Variants in ALK observed in about 807,000 individuals in gnomAD.
ALK encodes ALK receptor tyrosine kinase.
A neutral mutation model predicts 163.1 loss-of-function variants in ALK; 74 were observed. The observed-to-expected ratio is 0.45, with a 90% CI of 0.38 to 0.55. The LOEUF (loss-of-function observed/expected upper bound fraction) is 0.55, where lower values mean the gene tolerates loss of function less well. Among genes scored for constraint, ALK ranks in the 20% least tolerant of loss-of-function variants. The probability of loss-of-function intolerance (pLI) is 0.00; values close to 1 mark genes in which losing one functional copy is unlikely to be tolerated. For missense variants in ALK, 2,063 were observed against 2,105.3 expected (o/e 0.98, Z 0.39); for synonymous variants, 960 against 843.2 (o/e 1.14, Z -2.40).
chr2:29,225,188 T>G (rs1039197717), intron 19 of ALK, among the ~76,000 whole-genome samples: 3 of 152,018 alleles, frequency 2.0e-5, no homozygotes, highest in Non-Finnish European at 4.4e-5. Flanking sequence ...TGATGGACAC[T>G]GAAGGAGCTC....
intron 4 of ALK, among the ~76,000 whole-genome samples, chr2:29,402,053 C>T (rs2148315739): frequency 6.6e-6 from 1 of 152,358 alleles, no homozygotes; most frequent in South Asian, 2.1e-4. Context: ...CTGTGTTTTA[C>T]ATCCCTCCCT....
intron 1 of ALK, among the ~76,000 whole-genome samples, chr2:29,836,139 G>C (rs1665552811): frequency 6.6e-6 from 1 of 152,188 alleles, no homozygotes. Flanking sequence ...TGTTCCCAGG[G>C]AGCACTTCTT....
chr2:29,698,485 AGC>A, intron 2 of ALK, among the ~76,000 whole-genome samples: 1 of 152,288 alleles, frequency 6.6e-6, no homozygotes, highest in East Asian at 1.9e-4. Flanking sequence ...CCTTTCCCAA[AGC>A]TTCGACTTCT....
At chr2:29,882,341 T>C (rs938449200) in intron 1 of ALK, among the ~76,000 whole-genome samples, 1 of 152,202 alleles carries the variant, frequency 6.6e-6, no homozygotes, top group Non-Finnish European at 1.5e-5. Flanking sequence ...AAGCAAAACA[T>C]AATGTCTCAA....
At position 29,830,944 on chromosome 2, in the gene ALK, AAAGAAGAAGAAAAGAAGAAGAAGAAG is replaced by A. The variant is rs1665361070; in HGVS notation, c.667+89023_667+89048del. The stretch of plus-strand genomic sequence containing the variant: ...GAAGAAAAGAAGAAGAAGAAGAAGA[AAAGAAGAAGAAAAGAAGAAGAAGAAG>A]AAGAAGAAGAAGAAGAAGAAGAAGA... On this transcript the variant is annotated intron_variant, in intron 1 of 28. Transcript: ENST00000389048. 1.3e-4 allele frequency among the ~76,000 whole-genome samples: 6 copies of A among 47,594 alleles called. 1 individual carries two copies. Among genetic ancestry groups the A allele is most frequent in the African/African-American group, 5.1e-4 (6 of 11,716 alleles). The allele number at this position is 47,594 out of a possible 152,430, so 31.2% of individuals were successfully genotyped here.
chr2:29,844,519 G>A (rs999379447), intron 1 of ALK, among the ~76,000 whole-genome samples: 1 of 152,204 alleles, frequency 6.6e-6, no homozygotes, highest in Admixed American at 6.5e-5. Flanking sequence ...GATATAGTAG[G>A]TGAAATGTTA....
Position 29,633,723 on chromosome 2 carries a change from A to G in ALK, c.952+61127T>C, listed in dbSNP as rs574630902. ...AAAATGCAAATTACCAATATGAGGA[A>G]GGAAACAAGGGTTGCTATGGAGCAT... On this transcript the variant is annotated intron_variant, in intron 3 of 28. Transcript: ENST00000389048. 5.9e-5 allele frequency among the ~76,000 whole-genome samples: 9 copies of G among 152,242 alleles called. No individual in the cohort carries two copies. The South Asian group carries it at 1.7e-3, about 28-fold the overall frequency.
At chr2:29,264,589 C>T (rs1217623705) in intron 11 of ALK, among the ~76,000 whole-genome samples, 6 of 152,188 alleles carry the variant, frequency 3.9e-5, no homozygotes, top group Non-Finnish European at 8.8e-5. Context: ...TAAAACAGCA[C>T]TAGTCACAGA....
chr2:29,551,096 T>C (rs1451020830), intron 3 of ALK, among the ~76,000 whole-genome samples: 2 of 152,198 alleles, frequency 1.3e-5, no homozygotes, highest in African/African-American at 2.4e-5. Context: ...CACCAAAATA[T>C]GTACAGTTTA....
intron 24 of ALK, among the ~76,000 whole-genome samples, chr2:29,211,140 G>T (rs1669455898): frequency 6.6e-6 from 1 of 152,140 alleles, no homozygotes; most frequent in Non-Finnish European, 1.5e-5. Flanking sequence ...ATCTTGATTG[G>T]GGATCATGAC....
intron 1 of ALK, among the ~76,000 whole-genome samples, chr2:29,850,468 A>G (rs185712796): frequency 5.4e-4 from 82 of 152,352 alleles, no homozygotes; most frequent in African/African-American, 1.9e-3. Flanking sequence ...TTCTATAAAA[A>G]GGTTTAAAAA....
rs76742576 is a variant in ALK at position 29,226,934 on chromosome 2, C to T, written c.3055G>A (p.Val1019Ile). Residue 1019 changes from valine (V) to isoleucine (I), a missense_variant, in exon 18 of 29, where the codon GTC (valine) becomes ATC (isoleucine). Transcript: ENST00000389048. ...CCTGCCCCCTTACCAATGCAGGAGA[C>T]GCCATCCTCAGCCAGCACCGTCCCG... The part of the protein sequence containing the change: ...DHGTVLAEDG[V>I]SCIVSPTPEP... The T allele has an allele frequency of 3.0e-5, 48 of 1,614,082 alleles. No homozygotes were observed. Among genetic ancestry groups the T allele is most frequent in the Admixed American group, 1.2e-4 (7 of 60,014 alleles).
intron 25 of ALK, 128 bp downstream of exon 25, chr2:29,209,658 A>C (rs1372161127): frequency 4.4e-6 from 3 of 684,028 alleles, no homozygotes; most frequent in Non-Finnish European, 7.6e-6. Context: ...AAAGGAACTT[A>C]GTGAAATTTT....
At chr2:29,242,174 A>C (rs1664541798) in intron 12 of ALK, among the ~76,000 whole-genome samples, 1 of 152,176 alleles carries the variant, frequency 6.6e-6, no homozygotes, top group Admixed American at 6.5e-5. Flanking sequence ...TAGTCTAGGG[A>C]CAGCAGTGTG....
intron 4 of ALK, among the ~76,000 whole-genome samples, chr2:29,516,470 A>G (rs62131074): frequency 0.35 from 53,143 of 152,118 alleles, 11,095 homozygotes; most frequent in South Asian, 0.59. Context: ...TCCATCTGGT[A>G]CATGTCGGGG....
At chr2:29,536,498 G>A (rs556628405) in intron 3 of ALK, among the ~76,000 whole-genome samples, 1 of 152,224 alleles carries the variant, frequency 6.6e-6, no homozygotes. Context: ...GCAGAACCAT[G>A]AGCCAATTAA....
At position 29,827,917 on chromosome 2, in the gene ALK, T is replaced by C. The variant is rs571210175; in HGVS notation, c.667+92076A>G. 2.0e-5 allele frequency among the ~76,000 whole-genome samples: 3 copies of C among 152,296 alleles called. No homozygotes were observed. The South Asian group carries it at 6.2e-4, about 32-fold the overall frequency. On this transcript the variant is annotated intron_variant, in intron 1 of 28. Coordinates refer to ENST00000389048, the MANE Select transcript of ALK (RefSeq NM_004304.5). ...CATCACGCTATCTGACTTCAAACTATACTACAAGGCTACAGTAACCAAAAC... is the reference window on the plus strand; with the variant it reads ...CATCACGCTATCTGACTTCAAACTACACTACAAGGCTACAGTAACCAAAAC...
chr2:29,339,000 TG>T (rs1457236395), intron 5 of ALK, among the ~76,000 whole-genome samples: 1 of 152,162 alleles, frequency 6.6e-6, no homozygotes. Flanking sequence ...CCCAGCACTT[TG>T]GGAGGCTGAG....
chr2:29,705,242 T>TATAC (rs1678865175), intron 2 of ALK, among the ~76,000 whole-genome samples: 1 of 22,914 alleles, frequency 4.4e-5, no homozygotes, highest in Admixed American at 3.6e-4. Flanking sequence ...AGAAAAGAAA[T>TATAC]ATATATATAT....
Sources: allele counts gnomAD v4.1 joint callset (sites outside exome capture counted in the v4.1 genomes callset), GRCh38; gene constraint gnomAD v4.1.1; transcripts MANE v1.5; gene names NCBI Gene and HGNC (gene_info 2026-07-23, HGNC 2026-07-21).